Variants in MYZAP observed in about 807,000 individuals in gnomAD.
The protein encoded by MYZAP is GRINL1A complex locus upstream.
A neutral mutation model predicts 69.4 loss-of-function variants in MYZAP; 66 were observed. That is an observed-to-expected ratio of 0.95 (90% CI 0.78 to 1.17). The LOEUF (loss-of-function observed/expected upper bound fraction) is 1.17. Among genes scored for constraint, MYZAP ranks in the 50% most tolerant of loss-of-function variants. The probability of loss-of-function intolerance (pLI) is 0.00; values close to 1 mark genes in which losing one functional copy is unlikely to be tolerated. For synonymous variants in MYZAP, 256 were observed against 205.9 expected (o/e 1.24, Z -2.09); for missense variants, 611 against 556.2 (o/e 1.10, Z -0.99).
intron 5 of MYZAP, among the ~76,000 whole-genome samples, chr15:57,629,295 A>G (rs2036355063): frequency 6.6e-6 from 1 of 152,150 alleles, no homozygotes; most frequent in Admixed American, 6.5e-5. Flanking sequence ...ATAAACATAT[A>G]TTTGAACCAA....
intron 10 of MYZAP, chr15:57,647,834 G>T (rs2037520307): frequency 2.0e-6 from 2 of 985,254 alleles, no homozygotes; most frequent in Non-Finnish European, 2.4e-6. Context: ...GTCTGCCTTT[G>T]CTGATGCCCC....
chr15:57,609,014 C>T (rs1724324541), intron 2 of MYZAP, among the ~76,000 whole-genome samples: 2 of 152,188 alleles, frequency 1.3e-5, no homozygotes, highest in Admixed American at 1.3e-4. Context: ...ACCTACAGGA[C>T]ACCCAGGCTG....
chr15:57,631,884 C>G (rs538805410), intron 6 of MYZAP, among the ~76,000 whole-genome samples: 1 of 152,134 alleles, frequency 6.6e-6, no homozygotes, highest in Non-Finnish European at 1.5e-5. Context: ...TGTGTGAGAA[C>G]GTGGCCTGGC....
chr15:57,621,578 A>G (rs773747314), intron 3 of MYZAP, 30 bp from the exon 4 acceptor site: 4 of 1,606,526 alleles, frequency 2.5e-6, no homozygotes, highest in South Asian at 1.1e-5. Context: ...TTATGGCTTG[A>G]TCTCTAACTA....
intron 4 of MYZAP, among the ~76,000 whole-genome samples, chr15:57,625,006 A>G (rs1279352566): frequency 2.0e-5 from 3 of 151,858 alleles, no homozygotes; most frequent in Admixed American, 1.3e-4. Flanking sequence ...CATGTTAAAC[A>G]CACACACCCA....
chr15:57,599,083 A>G (rs1320549575), intron 1 of MYZAP, among the ~76,000 whole-genome samples: 1 of 152,226 alleles, frequency 6.6e-6, no homozygotes, highest in Non-Finnish European at 1.5e-5. Context: ...ACATTAGCTA[A>G]TTTAATCCTC....
intron 10 of MYZAP, among the ~76,000 whole-genome samples, chr15:57,645,192 T>C (rs1176969173): frequency 1.3e-5 from 2 of 152,204 alleles, no homozygotes; most frequent in African/African-American, 4.8e-5. Context: ...TAAGGAATGA[T>C]TTTGAAAGTA....
At chr15:57,624,290 T>C (rs2035994016) in intron 4 of MYZAP, among the ~76,000 whole-genome samples, 1 of 152,228 alleles carries the variant, frequency 6.6e-6, no homozygotes, top group Admixed American at 6.5e-5. Context: ...ACAACAGTCA[T>C]GCATCAGAGT....
rs772785817 is a variant in MYZAP at position 57,625,898 on chromosome 15, C to G, written c.525+6C>G. On this transcript the variant is annotated splice_donor_region_variant and intron_variant, in intron 5 of 12. Transcript: ENST00000267853. ...CAGATTCCATTGGCCTGCAGGTACTCATCTGCTTACTGCTATGACAGGGCA... is the reference window on the plus strand; with the variant it reads ...CAGATTCCATTGGCCTGCAGGTACTGATCTGCTTACTGCTATGACAGGGCA... The G allele has an allele frequency of 1.2e-6, 2 of 1,611,936 alleles. No homozygotes were observed. The highest frequency in any genetic ancestry group is 1.7e-6 in the Non-Finnish European group (2 of 1,178,138).
chr15:57,592,368 C>G (rs1179124736), intron 1 of MYZAP, among the ~76,000 whole-genome samples: 2 of 152,186 alleles, frequency 1.3e-5, no homozygotes, highest in Non-Finnish European at 2.9e-5. Context: ...GCCTTTCTGT[C>G]AAGCCGAGTT....
At chr15:57,592,173 G>A in intron 1 of MYZAP, 64 bp downstream of exon 1, 2 of 1,243,096 alleles carry the variant, frequency 1.6e-6, no homozygotes, top group Non-Finnish European at 2.0e-6. Context: ...CCCTCTAGAG[G>A]GGACTAGGGA....
At position 57,632,487 on chromosome 15, in the gene MYZAP, G is replaced by T; in HGVS notation, c.732G>T (p.Lys244Asn). The change falls in exon 7 of 13, where the codon AAG (lysine) becomes AAT (asparagine). Residue 244 changes from lysine (K) to asparagine (N), a missense_variant. Transcript: ENST00000267853. The stretch of plus-strand genomic sequence containing the variant: ...AGGTGATGCGAGAGATGACCAAGAA[G>T]CTGTACAGCCAGTATGAGGAGAAGC... ...NAEVMREMTK[K>N]LYSQYEEKLQ... 1.9e-6 allele frequency: 3 copies of T among 1,614,226 alleles called. No homozygotes were observed. The highest frequency in any genetic ancestry group is 2.5e-6 in the Non-Finnish European group (3 of 1,180,038).
intron 4 of MYZAP, among the ~76,000 whole-genome samples, chr15:57,623,273 T>A (rs2035928967): frequency 6.6e-6 from 1 of 152,234 alleles, no homozygotes; most frequent in Non-Finnish European, 1.5e-5. Context: ...AATTCAGCAT[T>A]ATCGATCAAA....
chr15:57,623,112 A>G (rs1448501118), intron 4 of MYZAP, among the ~76,000 whole-genome samples: 1 of 152,248 alleles, frequency 6.6e-6, no homozygotes, highest in Non-Finnish European at 1.5e-5. Flanking sequence ...TCATCGTAAG[A>G]TAAATGCGGG....
intron 6 of MYZAP, among the ~76,000 whole-genome samples, chr15:57,631,573 A>G (rs1384913931): frequency 4.6e-5 from 7 of 152,096 alleles, no homozygotes; most frequent in African/African-American, 9.7e-5. Context: ...GTGCACTGCA[A>G]ATGGAGCACA....
At chr15:57,656,795 G>A (rs2038030438) in intron 10 of MYZAP, among the ~76,000 whole-genome samples, 1 of 152,188 alleles carries the variant, frequency 6.6e-6, no homozygotes, top group Admixed American at 6.5e-5. Flanking sequence ...TGTAAGAAAT[G>A]TTCCAGGATA....
At chr15:57,597,550 C>T (rs1198446048) in intron 1 of MYZAP, among the ~76,000 whole-genome samples, 1 of 152,120 alleles carries the variant, frequency 6.6e-6, no homozygotes, top group Admixed American at 6.5e-5. Context: ...CCTCGCACTC[C>T]AAGTCACACT....
intron 12 of MYZAP, among the ~76,000 whole-genome samples, chr15:57,680,370 T>C (rs1208474374): frequency 6.6e-6 from 1 of 152,054 alleles, no homozygotes; most frequent in Non-Finnish European, 1.5e-5. Flanking sequence ...CCTCAAATTC[T>C]TCCCCTCCTT....
chr15:57,656,828 A>G lies in MYZAP; in HGVS notation c.1120-4622A>G, dbSNP rs141974721. Among the ~76,000 whole-genome samples the G allele has an allele frequency of 3.3e-3, 496 of 152,336 alleles. 4 individuals are homozygous for G. Among genetic ancestry groups the G allele is most frequent in the African/African-American group, 0.012 (482 of 41,590 alleles). On this transcript the variant is annotated intron_variant, in intron 10 of 12. Transcript: ENST00000267853. ...ATAAAAGCAAATCTGCACAGATAGC[A>G]TTAATTCAGCACAATAGCATACTTG...
Sources: allele counts gnomAD v4.1 joint callset (sites outside exome capture counted in the v4.1 genomes callset), GRCh38; gene constraint gnomAD v4.1.1; transcripts MANE v1.5; gene names NCBI Gene and HGNC (gene_info 2026-07-23, HGNC 2026-07-21).